WNK2: variants seen among roughly 807,000 people sequenced by gnomAD.
WNK2 encodes WNK lysine deficient protein kinase 2.
In WNK2, 67 loss-of-function variants were observed where a neutral mutation model predicts 192.1. The observed-to-expected ratio is 0.35, with a 90% CI of 0.29 to 0.43. The LOEUF (loss-of-function observed/expected upper bound fraction) is 0.43, where lower values mean the gene tolerates loss of function less well. WNK2 is among the 20% of genes least tolerant of loss of function. The probability of loss-of-function intolerance (pLI) is 1.00; values close to 1 mark genes in which losing one functional copy is unlikely to be tolerated. For synonymous variants in WNK2, 1,439 were observed against 1,393.9 expected (o/e 1.03, Z -0.72); for missense variants, 2,698 against 3,089.7 (o/e 0.87, Z 3.01).
intron 29 of WNK2, chr9:93,319,235 C>T (rs1018216328): frequency 1.9e-6 from 3 of 1,596,686 alleles, no homozygotes; most frequent in Non-Finnish European, 2.6e-6. Flanking sequence ...CTTTTTCTTA[C>T]CCTCTATCCA....
Position 93,185,264 on chromosome 9 carries a change from C to T in WNK2, c.335C>T (p.Ala112Val). 4 of 1,279,470 alleles carry T rather than the reference C, an allele frequency of 3.1e-6. No homozygotes were observed. The South Asian group carries it at 7.8e-5, about 25-fold the overall frequency. 79.3% of individuals were successfully genotyped at this position (1,279,470 alleles called of 1,614,324 possible). ...CAGCCGGGAGCCCCCGGAGCCCCCG[C>T]GGACGCCGGCCCCGAGCCCGTGGGC... ...VAQPGAPGAP[A>V]DAGPEPVGTQ... Residue 112 changes from alanine (A) to valine (V), a missense_variant, in exon 2 of 30, where the codon GCG becomes GTG. Ala to Val is a moderately conservative substitution (Grantham distance 64). Coordinates refer to ENST00000427277, the MANE Select transcript of WNK2 (RefSeq NM_006648.4).
At position 93,289,693 on chromosome 9, in the gene WNK2, G is replaced by A. The variant is rs138641043; in HGVS notation, c.4866+73G>A. Reference sequence around the variant, plus strand: ...GAGCCCGGGCGCAGGCCCGGGGGTGGGCAGGCATCTTGGCTATGCAGAGCC... The same window carrying A: ...GAGCCCGGGCGCAGGCCCGGGGGTGAGCAGGCATCTTGGCTATGCAGAGCC... On this transcript the variant is annotated intron_variant, in intron 20 of 29. Coordinates refer to ENST00000427277, the MANE Select transcript of WNK2 (RefSeq NM_006648.4). The A allele has an allele frequency of 1.2e-3, 1,658 of 1,383,588 alleles. 3 individuals are homozygous for A. The highest frequency in any genetic ancestry group is 4.0e-3 in the Middle Eastern group (15 of 3,788). The allele number at this position is 1,383,588 out of a possible 1,614,324, so 85.7% of individuals were successfully genotyped here.
At chr9:93,317,746 TG>T in intron 29 of WNK2, 115 bp downstream of exon 29, 3 of 1,483,488 alleles carry the variant, frequency 2.0e-6, no homozygotes, top group South Asian at 1.2e-5. Flanking sequence ...GTGGGCCAGC[TG>T]GGGGCACAGG....
At chr9:93,220,328 T>C (rs1836618576) in intron 2 of WNK2, among the ~76,000 whole-genome samples, 1 of 152,154 alleles carries the variant, frequency 6.6e-6, no homozygotes, top group Non-Finnish European at 1.5e-5. Flanking sequence ...CTTTTCCTGT[T>C]CTGTCCATGC....
rs572666141 is a variant in WNK2 at position 93,259,311 on chromosome 9, T to G, written c.2763T>G (p.Pro921=). ...VYPAAFPQMA[P]TDVPPSPHHT... ...CAGCGGCCTTCCCACAGATGGCGCCTACTGACGTCCCTCCTTCCCCCCATC... is the reference window on the plus strand; with the variant it reads ...CAGCGGCCTTCCCACAGATGGCGCCGACTGACGTCCCTCCTTCCCCCCATC... The change falls in exon 12 of 30, where the codon CCT becomes CCG. Residue 921 remains proline (P), a synonymous_variant. Coordinates refer to ENST00000427277, the MANE Select transcript of WNK2 (RefSeq NM_006648.4). The surrounding 1 kb of genome is among the most constrained non-coding windows in gnomAD (Gnocchi z 4.8). 5.2e-5 allele frequency: 84 copies of G among 1,613,502 alleles called. No homozygotes were observed. The South Asian group carries it at 9.0e-4, about 17-fold the overall frequency.
At chr9:93,287,204 G>A (rs1266157168) in intron 19 of WNK2, among the ~76,000 whole-genome samples, 1 of 152,166 alleles carries the variant, frequency 6.6e-6, no homozygotes, top group African/African-American at 2.4e-5. Flanking sequence ...GCCACAATAA[G>A]ACGCCATCAC....
At chr9:93,190,286 C>G (rs1249209720) in intron 2 of WNK2, among the ~76,000 whole-genome samples, 2 of 152,176 alleles carry the variant, frequency 1.3e-5, no homozygotes, top group Admixed American at 1.3e-4. Context: ...TGTGTGTCAG[C>G]AGCGATGACA....
chr9:93,301,916 C>T (rs1456125928), intron 26 of WNK2, among the ~76,000 whole-genome samples: 2 of 152,256 alleles, frequency 1.3e-5, no homozygotes, highest in African/African-American at 4.8e-5. Context: ...TTCCCCCACA[C>T]TCTGAAGTTG....
chr9:93,290,512 T>G (rs1304953584), intron 21 of WNK2, among the ~76,000 whole-genome samples: 1 of 152,170 alleles, frequency 6.6e-6, no homozygotes, highest in Admixed American at 6.5e-5. Flanking sequence ...TCTAGAGAGA[T>G]GAAGTCCTCT....
chr9:93,277,093 G>A (rs1328013775), intron 19 of WNK2, among the ~76,000 whole-genome samples: 1 of 152,074 alleles, frequency 6.6e-6, no homozygotes, highest in African/African-American at 2.4e-5. Flanking sequence ...CACCAAACAG[G>A]ATATAAGGAT....
intron 7 of WNK2, among the ~76,000 whole-genome samples, chr9:93,242,910 A>G (rs1240387954): frequency 1.3e-5 from 2 of 152,222 alleles, no homozygotes; most frequent in African/African-American, 4.8e-5. Flanking sequence ...CAGGAAGGGC[A>G]GGAGAATGAG....
At position 93,253,524 on chromosome 9, in the gene WNK2, G is replaced by A. The variant is rs926958261; in HGVS notation, c.2034+442G>A. ...GGACATTATCCCAGACTGTTCCATA[G>A]ATCACAGAAAAGCATCATTTGTACG... On this transcript the variant is annotated intron_variant, in intron 9 of 29. Coordinates refer to ENST00000427277, the MANE Select transcript of WNK2 (RefSeq NM_006648.4). Among the ~76,000 whole-genome samples the A allele has an allele frequency of 2.6e-5, 4 of 152,052 alleles. No individual in the cohort carries two copies. The East Asian group carries it at 7.7e-4, about 29-fold the overall frequency.
intron 28 of WNK2, among the ~76,000 whole-genome samples, chr9:93,312,240 G>A (rs1223069924): frequency 6.6e-6 from 1 of 152,150 alleles, no homozygotes; most frequent in Non-Finnish European, 1.5e-5. Context: ...TTTTTCATTT[G>A]TTGCCTGTGC....
At chr9:93,314,377 G>A (rs940978799) in intron 28 of WNK2, among the ~76,000 whole-genome samples, 1 of 151,800 alleles carries the variant, frequency 6.6e-6, no homozygotes, top group Non-Finnish European at 1.5e-5. Flanking sequence ...GAGCCCAGGA[G>A]GTCAAGGCTG....
At chr9:93,211,313 C>T (rs1484240294) in intron 2 of WNK2, among the ~76,000 whole-genome samples, 2 of 143,614 alleles carry the variant, frequency 1.4e-5, no homozygotes, top group African/African-American at 2.6e-5. Context: ...CATTCACTCA[C>T]TCATCCACTC....
rs944613646 is a variant in WNK2 at position 93,277,229 on chromosome 9, G to A, written c.4033+8483G>A. On this transcript the variant is annotated intron_variant, in intron 19 of 29. Transcript: ENST00000427277. ...ACTAGACTGACTGCATCAAATCTGG[G>A]TGTGGCTGTGGAACAGCTGGAACTC... Among the ~76,000 whole-genome samples the A allele has an allele frequency of 2.6e-4, 39 of 152,306 alleles. 1 individual carries two copies. Among genetic ancestry groups the A allele is most frequent in the Admixed American group, 2.4e-3 (37 of 15,298 alleles).
chr9:93,207,059 G>A (rs1327636096), intron 2 of WNK2, among the ~76,000 whole-genome samples: 1 of 152,130 alleles, frequency 6.6e-6, no homozygotes, highest in Non-Finnish European at 1.5e-5. Context: ...TCCTTGGAGA[G>A]CAGAGAGGCT....
In WNK2 at chr9:93,252,910, G is replaced by A; in HGVS notation, c.1862G>A (p.Gly621Asp). 2 of 1,550,736 alleles carry A rather than the reference G, an allele frequency of 1.3e-6. No individual in the cohort carries two copies. The highest frequency in any genetic ancestry group is 1.7e-6 in the Non-Finnish European group (2 of 1,149,236). The part of the protein sequence containing the change: ...ASDSTFDSGQ[G>D]STVYSDSQSS... ...GACAGCACCTTCGACAGCGGCCAGG[G>A]CTCTACCGTGTACTCAGACTCGCAG... The change falls in exon 9 of 30, where the codon GGC (glycine) becomes GAC (aspartate). Residue 621 changes from glycine (G) to aspartate (D), a missense_variant. Gly to Asp is a moderately conservative substitution (Grantham distance 94). Around this residue, in one of 7 missense-constraint regions of WNK2, gnomAD observed 893 missense variants for 909.0 expected, o/e 0.98. Coordinates refer to ENST00000427277, the MANE Select transcript of WNK2 (RefSeq NM_006648.4).
At chr9:93,256,864 T>C in intron 10 of WNK2, 84 bp from the exon 11 acceptor site, 1 of 1,295,156 alleles carries the variant, frequency 7.7e-7, no homozygotes, top group Non-Finnish European at 1.0e-6. Context: ...GGGTGAGGGT[T>C]GATATCCTGT....
Sources: gnomAD v4.1 joint callset for allele counts (sites outside exome capture counted in the v4.1 genomes callset) on GRCh38, gnomAD v4.1.1 for gene constraint, gnomAD v4.1.1 regional missense constraint, Gnocchi (gnomAD v3.1) non-coding constraint, MANE v1.5 for transcripts, NCBI Gene and HGNC (gene_info 2026-07-23, HGNC 2026-07-21) for gene names.